Variants in DTNA observed in about 807,000 individuals in gnomAD.
DTNA encodes the protein dystrophin-related protein 3.
Under a neutral mutation model 100.7 loss-of-function variants are expected in DTNA, and 43 were observed. That is an observed-to-expected ratio of 0.43 (90% confidence interval 0.33 to 0.55). The LOEUF (loss-of-function observed/expected upper bound fraction) is 0.55. Among genes scored for constraint, DTNA ranks in the 20% least tolerant of loss-of-function variants. DTNA has a pLI of 0.04. For synonymous variants in DTNA, 349 were observed against 347.9 expected (o/e 1.00, Z -0.04); for missense variants, 798 against 953.9 (o/e 0.84, Z 2.15).
chr18:34,574,710 C>T (rs1386009922), intron 1 of DTNA, among the ~76,000 whole-genome samples: 3 of 152,140 alleles, frequency 2.0e-5, no homozygotes, highest in African/African-American at 7.2e-5. Flanking sequence ...TAGCTCAAGG[C>T]ATCTTCTAAC....
At chr18:34,561,040 T>C (rs2046589037) in intron 1 of DTNA, among the ~76,000 whole-genome samples, 1 of 152,252 alleles carries the variant, frequency 6.6e-6, no homozygotes, top group South Asian at 2.1e-4. Context: ...ATTTTTGATC[T>C]ATTTAAATTG....
intron 1 of DTNA, among the ~76,000 whole-genome samples, chr18:34,628,644 C>T (rs184831455): frequency 8.0e-4 from 122 of 152,280 alleles, no homozygotes; most frequent in Non-Finnish European, 1.2e-3. Flanking sequence ...CCCTGCATAA[C>T]AACTTTATTT....
intron 2 of DTNA, among the ~76,000 whole-genome samples, chr18:34,763,242 G>A (rs1478364618): frequency 6.6e-6 from 1 of 152,166 alleles, no homozygotes; most frequent in South Asian, 2.1e-4. Flanking sequence ...GGGAGCAAAG[G>A]CAGATTTAGC....
intron 1 of DTNA, among the ~76,000 whole-genome samples, chr18:34,533,489 A>G (rs995216553): frequency 6.6e-6 from 1 of 152,022 alleles, no homozygotes; most frequent in African/African-American, 2.4e-5. Flanking sequence ...TGCTAAGTCT[A>G]GTTGGTAGCT....
chr18:34,658,555 T>C (rs542302217), intron 1 of DTNA, among the ~76,000 whole-genome samples: 10 of 152,174 alleles, frequency 6.6e-5, no homozygotes, highest in Non-Finnish European at 1.5e-4. Flanking sequence ...GGTTTTGTCA[T>C]GTTGCCCAAG....
chr18:34,740,619 G>A (rs2090459191), intron 1 of DTNA, among the ~76,000 whole-genome samples: 1 of 151,978 alleles, frequency 6.6e-6, no homozygotes, highest in African/African-American at 2.4e-5. Flanking sequence ...GTGAGACCTT[G>A]TCTCTATGAA....
At chr18:34,715,219 GAA>G (rs34573587) in intron 1 of DTNA, among the ~76,000 whole-genome samples, 11 of 150,260 alleles carry the variant, frequency 7.3e-5, no homozygotes, top group African/African-American at 2.7e-4. Context: ...ATAAAAAATA[GAA>G]AAAAAAATGA....
intron 1 of DTNA, among the ~76,000 whole-genome samples, chr18:34,522,802 A>G (rs1177672123): frequency 1.3e-5 from 2 of 152,218 alleles, no homozygotes; most frequent in East Asian, 1.9e-4. Context: ...CTGCTGAAGT[A>G]AGATGGACCA....
intron 13 of DTNA, 88 bp downstream of exon 13, chr18:34,838,925 C>A (rs2052625691): frequency 2.9e-5 from 33 of 1,148,368 alleles, no homozygotes; most frequent in Non-Finnish European, 4.2e-5. Flanking sequence ...AGCAAGGTCA[C>A]TGGATGCCAG....
At chr18:34,775,388 A>G (rs933165050) in intron 3 of DTNA, among the ~76,000 whole-genome samples, 2 of 152,170 alleles carry the variant, frequency 1.3e-5, no homozygotes, top group Non-Finnish European at 2.9e-5. Context: ...CAGGAGGCTG[A>G]GGCAGGAGAA....
At chr18:34,808,796 A>T (rs1196824088) in intron 5 of DTNA, among the ~76,000 whole-genome samples, 1 of 152,192 alleles carries the variant, frequency 6.6e-6, no homozygotes, top group Non-Finnish European at 1.5e-5. Flanking sequence ...AGGGCAGTGA[A>T]AGAAGCAACA....
chr18:34,766,070 A>G lies in DTNA; in HGVS notation c.148+29A>G, dbSNP rs75545220. On this transcript the variant is annotated intron_variant, in intron 3 of 22. Coordinates refer to ENST00000444659, the MANE Select transcript of DTNA (RefSeq NM_001386795.1). ...AGTATGCCAGTTGTTTGGACTAATT[A>G]CCATCATGAATCCTATAGTTTACAT... The G allele has an allele frequency of 2.6e-3, 4,109 of 1,605,816 alleles. 105 individuals are homozygous for G. The East Asian group carries it at 0.06, about 23-fold the overall frequency.
At chr18:34,608,585 G>A (rs1187801267) in intron 1 of DTNA, among the ~76,000 whole-genome samples, 7 of 150,666 alleles carry the variant, frequency 4.6e-5, no homozygotes, top group Admixed American at 4.0e-4. Flanking sequence ...GGCCCAAATT[G>A]CTTCAATCAT....
At chr18:34,629,441 T>C (rs182138494) in intron 1 of DTNA, among the ~76,000 whole-genome samples, 2 of 152,330 alleles carry the variant, frequency 1.3e-5, no homozygotes, top group East Asian at 3.9e-4. Flanking sequence ...TTTTATTTTA[T>C]TGCCATTGTT....
intron 1 of DTNA, among the ~76,000 whole-genome samples, chr18:34,632,261 C>T (rs2058169284): frequency 6.6e-6 from 1 of 152,050 alleles, no homozygotes; most frequent in South Asian, 2.1e-4. Flanking sequence ...ACGTATGGGA[C>T]ATTTTGTGTC....
rs780426700 is a variant in DTNA, at chr18:34,581,272, C to CAA, written c.-2+87764_-2+87765dup. 2.2e-3 allele frequency among the ~76,000 whole-genome samples: 304 copies of CAA among 139,546 alleles called. 2 individuals carry two copies. Among genetic ancestry groups the CAA allele is most frequent in the African/African-American group, 7.9e-3 (281 of 35,392 alleles). 91.5% of individuals were successfully genotyped at this position (139,546 alleles called of 152,430 possible). A position where few individuals can be genotyped will look rare whatever the true frequency, so the allele number is the denominator to read the frequency against. On this transcript the variant is annotated intron_variant, in intron 1 of 19. Coordinates refer to the DTNA transcript ENST00000283365. ...CAAAACAAAACAAAACAAAACAAAA[C>CAA]AAAAAAACAAAACAAAAAAGAAACT...
In DTNA at chr18:34,603,342, G is replaced by A. The variant is rs2849502; in HGVS notation, c.-2+109828G>A. Among the ~76,000 whole-genome samples, 261 of 152,010 alleles carry A rather than the reference G, an allele frequency of 1.7e-3. 3 individuals are homozygous for A. Among genetic ancestry groups the A allele is most frequent in the African/African-American group, 6.1e-3 (252 of 41,472 alleles). On this transcript the variant is annotated intron_variant, in intron 1 of 19. Coordinates refer to the DTNA transcript ENST00000283365. ...AGCTCATGTAATACTTTTATATAAA[G>A]CTAAGAATTTTAAAGGACTTTTATA...
intron 11 of DTNA, among the ~76,000 whole-genome samples, chr18:34,830,475 T>G (rs1256219690): frequency 6.6e-6 from 1 of 152,204 alleles, no homozygotes; most frequent in African/African-American, 2.4e-5. Flanking sequence ...GATATAACTT[T>G]GAAGTCTTTT....
At position 34,494,671 on chromosome 18, in the gene DTNA, AG is replaced by A. The variant is rs1034364247; in HGVS notation, c.-2+1162del. ...ACTTGGCCGTGAGGGGCGCAGGGGG[AG>A]GGGGCAGGGGAGGCGCAAATATTGG... On this transcript the variant is annotated intron_variant, in intron 1 of 19. Coordinates refer to the DTNA transcript ENST00000283365. 1.1e-4 allele frequency among the ~76,000 whole-genome samples: 17 copies of A among 149,884 alleles called. 1 individual carries two copies. In the East Asian group the frequency reaches 2.2e-3, roughly 20 times the overall value.
Sources: gnomAD v4.1 joint callset for allele counts (sites outside exome capture counted in the v4.1 genomes callset) on GRCh38, gnomAD v4.1.1 for gene constraint, MANE v1.5 for transcripts, NCBI Gene and HGNC (gene_info 2026-07-23, HGNC 2026-07-21) for gene names.